Variants in COL13A1 observed in about 807,000 individuals in gnomAD.
COL13A1 encodes the protein collagen alpha-1(XIII) chain.
COL13A1 carries 89 observed loss-of-function variants against 130.9 expected under a neutral mutation model. The observed-to-expected ratio is 0.68, with a 90% CI of 0.57 to 0.81. The LOEUF is 0.81. Ranked by LOEUF, COL13A1 falls within the 30% of genes least tolerant of loss-of-function variation. The pLI, the probability that COL13A1 is intolerant of heterozygous loss-of-function variation, is 0.00. For missense variants in COL13A1, 879 were observed against 934.6 expected, an observed-to-expected ratio of 0.94 and a Z score of 0.78; for synonymous variants, 402 against 341.6, an observed-to-expected ratio of 1.18 and a Z score of -1.95.
intron 9 of COL13A1, 122 bp from the exon 10 acceptor site, chr10:69,889,292 G>A: frequency 7.9e-7 from 1 of 1,264,576 alleles, no homozygotes. Context: ...GGAGCACAGG[G>A]GACAGGGAGG....
Position 69,900,074 on chromosome 10 carries a change from C to T in COL13A1, c.750+1312C>T, listed in dbSNP as rs578139351. Reference sequence around the variant, plus strand: ...AAATCCTCGAGAGCCTCCGTGTGCCCGAGCACTCACCAGAGCATGGCTACT... The same window carrying T: ...AAATCCTCGAGAGCCTCCGTGTGCCTGAGCACTCACCAGAGCATGGCTACT... On this transcript the variant is annotated intron_variant, in intron 14 of 40. Coordinates refer to ENST00000645393, the MANE Select transcript of COL13A1 (RefSeq NM_001368882.1). 9.2e-5 allele frequency among the ~76,000 whole-genome samples: 14 copies of T among 152,274 alleles called. No individual in the cohort carries two copies. In the South Asian group the frequency reaches 2.1e-3, roughly 23 times the overall value.
In COL13A1 at chr10:69,917,299, G is replaced by A; in HGVS notation, c.932G>A (p.Gly311Asp). The A allele has an allele frequency of 6.2e-7, 1 of 1,613,670 alleles. No homozygotes were observed. Among genetic ancestry groups the A allele is most frequent in the Non-Finnish European group, 8.5e-7 (1 of 1,179,740 alleles). The change falls in exon 18 of 41, where the codon GGC becomes GAC. Residue 311 changes from glycine to aspartate, a missense_variant. Physicochemically the swap from Gly to Asp is moderately conservative, Grantham distance 94. Transcript: ENST00000645393. ...QGYHGRKGER[G>D]MPGMPGKHGA... ...CATTTCTTCCTCCAGGGAGAACGGG[G>A]CATGCCAGGGATGCCAGGCAAGCAT...
chr10:69,920,594 G>T (rs1403283515), intron 21 of COL13A1, among the ~76,000 whole-genome samples: 1 of 152,196 alleles, frequency 6.6e-6, no homozygotes, highest in African/African-American at 2.4e-5. Context: ...AGAGACCTTT[G>T]AGAGACCGTT....
In COL13A1 at chr10:69,828,749, T is replaced by A. The variant is rs144350131; in HGVS notation, c.364+6311T>A. ...CTGCTGTTTGATGAGTATGTTAACGTAATGCCTGGTGTATGCTCGATGTAC... is the reference window on the plus strand; with the variant it reads ...CTGCTGTTTGATGAGTATGTTAACGAAATGCCTGGTGTATGCTCGATGTAC... On this transcript the variant is annotated intron_variant, in intron 2 of 40. Transcript: ENST00000645393. Among the ~76,000 whole-genome samples the A allele has an allele frequency of 3.8e-3, 586 of 152,324 alleles. 7 individuals carry two copies. Among genetic ancestry groups the A allele is most frequent in the African/African-American group, 0.013 (551 of 41,566 alleles).
intron 2 of COL13A1, among the ~76,000 whole-genome samples, chr10:69,860,439 C>A (rs1249901671): frequency 6.6e-6 from 1 of 152,214 alleles, no homozygotes; most frequent in African/African-American, 2.4e-5. Flanking sequence ...TGCTTCCAAG[C>A]ACCTGCCTTC....
intron 18 of COL13A1, 60 bp from the exon 19 acceptor site, chr10:69,918,224 GC>G (rs1269942218): frequency 3.3e-6 from 5 of 1,502,282 alleles, no homozygotes; most frequent in East Asian, 4.6e-5. Context: ...ACTGCCCCCC[GC>G]CCCCTGCTGC....
chr10:69,904,808 C>T lies in COL13A1; in HGVS notation c.859-125C>T, dbSNP rs1021110941. The T allele has an allele frequency of 3.0e-6, 3 of 997,836 alleles. No homozygotes were observed. The African/African-American group carries it at 4.9e-5, about 16-fold the overall frequency. The allele number at this position is 997,836 out of a possible 1,614,324, so 61.8% of individuals were successfully genotyped here. On this transcript the variant is annotated intron_variant, in intron 15 of 40. Transcript: ENST00000645393. ...CACTAGAGCTGTTGGCTATAGCATG[C>T]CTATTCTCTTGCCATAGCTATTGGG... is the stretch of plus-strand genomic sequence containing the variant.
At chr10:69,862,787 G>A (rs1252387281) in intron 2 of COL13A1, among the ~76,000 whole-genome samples, 1 of 152,106 alleles carries the variant, frequency 6.6e-6, no homozygotes, top group Non-Finnish European at 1.5e-5. Flanking sequence ...TAAACTCTCT[G>A]GGCCTCAGGT....
At chr10:69,914,566 G>A (rs148658679) in intron 17 of COL13A1, among the ~76,000 whole-genome samples, 1 of 152,338 alleles carries the variant, frequency 6.6e-6, no homozygotes, top group African/African-American at 2.4e-5. Flanking sequence ...TTGAGGGAAA[G>A]CAAGAGAAAA....
intron 17 of COL13A1, among the ~76,000 whole-genome samples, chr10:69,906,451 TG>T (rs985549893): frequency 3.3e-5 from 5 of 152,076 alleles, no homozygotes; most frequent in African/African-American, 9.7e-5. Flanking sequence ...GGCTGTGGGC[TG>T]GGGGGCCCTG....
intron 1 of COL13A1, 117 bp downstream of exon 1, chr10:69,802,834 G>C (rs1840406969): frequency 1.3e-5 from 18 of 1,357,070 alleles, no homozygotes; most frequent in Non-Finnish European, 1.8e-5. Context: ...AGGTTCGCGC[G>C]AGTTGCCTGC....
At chr10:69,894,218 T>C (rs1331574914) in intron 10 of COL13A1, among the ~76,000 whole-genome samples, 1 of 152,182 alleles carries the variant, frequency 6.6e-6, no homozygotes, top group Non-Finnish European at 1.5e-5. Flanking sequence ...TCCCAGAGGC[T>C]TGATGCATGT....
intron 14 of COL13A1, among the ~76,000 whole-genome samples, chr10:69,900,162 T>G (rs1232052624): frequency 6.6e-6 from 1 of 152,128 alleles, no homozygotes; most frequent in Non-Finnish European, 1.5e-5. Flanking sequence ...CCCCAGGCTG[T>G]GCCGGACCCC....
chr10:69,877,670 C>G (rs2059702501), intron 5 of COL13A1: 2 of 188,624 alleles, frequency 1.1e-5, no homozygotes, highest in Non-Finnish European at 2.1e-5. Flanking sequence ...CTCTCTCTCT[C>G]TCTGTCTCTC....
chr10:69,808,733 C>T lies in COL13A1; in HGVS notation c.294+6016C>T, dbSNP rs1003323434. Among the ~76,000 whole-genome samples the T allele has an allele frequency of 5.9e-5, 9 of 152,198 alleles. 1 individual carries two copies. The highest frequency in any genetic ancestry group is 3.3e-4 in the Admixed American group (5 of 15,282). On this transcript the variant is annotated intron_variant, in intron 1 of 40. Coordinates refer to ENST00000645393, the MANE Select transcript of COL13A1 (RefSeq NM_001368882.1). The stretch of plus-strand genomic sequence containing the variant: ...TCTTGGGTCCCTTATTAATTCTAGC[C>T]CAGGACTTTGCACATAATACGCAGC...
At chr10:69,937,840 G>T (rs2067140928) in intron 34 of COL13A1, 125 bp downstream of exon 34, 3 of 604,078 alleles carry the variant, frequency 5.0e-6, no homozygotes, top group Non-Finnish European at 6.0e-6. Context: ...CATGTGGTTT[G>T]TCTTTCCCAC....
Position 69,826,011 on chromosome 10 carries a change from A to G in COL13A1, c.364+3573A>G, listed in dbSNP as rs1005459251. On this transcript the variant is annotated intron_variant, in intron 2 of 40. Coordinates refer to ENST00000645393, the MANE Select transcript of COL13A1 (RefSeq NM_001368882.1). ...AAGTTCAGAGGAATAGGTGTGGGCC[A>G]TTTGCACAGCATATGGCCTGGTGGG... 4.6e-5 allele frequency among the ~76,000 whole-genome samples: 7 copies of G among 152,214 alleles called. No homozygotes were observed. The South Asian group carries it at 1.4e-3, about 32-fold the overall frequency.
intron 2 of COL13A1, among the ~76,000 whole-genome samples, chr10:69,839,883 T>C (rs541599195): frequency 2.2e-4 from 33 of 152,286 alleles, no homozygotes; most frequent in African/African-American, 7.0e-4. Context: ...TCACCCTCAA[T>C]GAGCCAGGAA....
At chr10:69,889,041 C>A (rs2060889977) in intron 9 of COL13A1, among the ~76,000 whole-genome samples, 3 of 152,186 alleles carry the variant, frequency 2.0e-5, no homozygotes, top group African/African-American at 4.8e-5. Context: ...AACTGCAGGC[C>A]AGCGAGCTAA....
Sources: allele counts gnomAD v4.1 joint callset (sites outside exome capture counted in the v4.1 genomes callset), GRCh38; gene constraint gnomAD v4.1.1; transcripts MANE v1.5; gene names NCBI Gene and HGNC (gene_info 2026-07-23, HGNC 2026-07-21).